DPF3: variants seen among roughly 807,000 people sequenced by gnomAD.
The protein encoded by DPF3 is zinc finger protein DPF3.
Under a neutral mutation model 56.8 loss-of-function variants are expected in DPF3, and 18 were observed. The ratio of observed to expected loss-of-function variants is 0.32; its 90% CI spans 0.22 to 0.47. The LOEUF is 0.47. DPF3 is among the 20% of genes least tolerant of loss of function. The pLI is 1.00. For missense variants in DPF3, 403 were observed against 488.8 expected (o/e 0.82, Z 1.65); for synonymous variants, 188 against 180.2 (o/e 1.04, Z -0.35).
At chr14:72,810,420 C>T (rs1882988617) in intron 1 of DPF3, among the ~76,000 whole-genome samples, 1 of 152,150 alleles carries the variant, frequency 6.6e-6, no homozygotes. Context: ...AGGGTGTGTT[C>T]TAATACGTCA....
At chr14:72,818,393 TG>T (rs1883381383) in intron 1 of DPF3, among the ~76,000 whole-genome samples, 1 of 152,180 alleles carries the variant, frequency 6.6e-6, no homozygotes, top group African/African-American at 2.4e-5. Context: ...CAAAAGACAT[TG>T]TTATGCTGGG....
chr14:72,674,399 A>AAT (rs1886822677), intron 7 of DPF3, 31 bp from the exon 8 acceptor site: 1 of 1,604,336 alleles, frequency 6.2e-7, no homozygotes, highest in Non-Finnish European at 8.5e-7. Flanking sequence ...TTCCAATTTC[A>AAT]GGCTTACATG....
intron 3 of DPF3, among the ~76,000 whole-genome samples, chr14:72,741,231 C>T (rs1220948856): frequency 6.6e-6 from 1 of 152,126 alleles, no homozygotes; most frequent in Non-Finnish European, 1.5e-5. Context: ...AATCACAGTG[C>T]CTCCTCACAC....
chr14:72,839,127 G>T (rs1255950222), intron 1 of DPF3, among the ~76,000 whole-genome samples: 2 of 151,348 alleles, frequency 1.3e-5, no homozygotes, highest in Non-Finnish European at 2.9e-5. Context: ...CGCCATGTTG[G>T]CCAGGCTGGT....
intron 7 of DPF3, among the ~76,000 whole-genome samples, chr14:72,677,591 C>A (rs1423148124): frequency 1.3e-5 from 2 of 150,372 alleles, no homozygotes; most frequent in Admixed American, 1.3e-4. Flanking sequence ...CAGGTCTAAC[C>A]CGTTGTTGGA....
chr14:72,711,879 G>A (rs1230897361), intron 6 of DPF3, among the ~76,000 whole-genome samples: 1 of 152,042 alleles, frequency 6.6e-6, no homozygotes, highest in African/African-American at 2.4e-5. Context: ...TCTCTACTTA[G>A]GATGCATTAG....
At position 72,793,761 on chromosome 14, in the gene DPF3, T is replaced by C. The variant is rs74468383; in HGVS notation, c.33-21868A>G. Among the ~76,000 whole-genome samples the C allele has an allele frequency of 4.4e-3, 668 of 152,304 alleles. 8 individuals carry two copies. Among genetic ancestry groups the C allele is most frequent in the African/African-American group, 0.016 (647 of 41,568 alleles). On this transcript the variant is annotated intron_variant, in intron 1 of 10. Transcript: ENST00000556509. ...CCCTTGCATAGATGATGCTGGCAAA[T>C]TCAACGTGATTTTCATTGGACCTGC... is the stretch of plus-strand genomic sequence containing the variant.
chr14:72,706,309 T>C (rs1888401249), intron 6 of DPF3, among the ~76,000 whole-genome samples: 1 of 152,206 alleles, frequency 6.6e-6, no homozygotes, highest in Non-Finnish European at 1.5e-5. Context: ...GCAGCCCCTC[T>C]TCGTGTGACC....
chr14:72,650,913 A>AACC (rs1365798972), intron 8 of DPF3, among the ~76,000 whole-genome samples: 3 of 152,118 alleles, frequency 2.0e-5, no homozygotes, highest in Admixed American at 6.5e-5. Flanking sequence ...GTGGCTTAAA[A>AACC]ACCACCCTTC....
intron 6 of DPF3, among the ~76,000 whole-genome samples, chr14:72,709,444 T>C (rs1274277958): frequency 6.6e-6 from 1 of 152,162 alleles, no homozygotes; most frequent in Non-Finnish European, 1.5e-5. Context: ...ATTCCTTCCA[T>C]CCTACTTCAA....
intron 1 of DPF3, among the ~76,000 whole-genome samples, chr14:72,875,064 A>G (rs1886060565): frequency 1.3e-5 from 2 of 152,142 alleles, no homozygotes; most frequent in South Asian, 4.1e-4. Context: ...AAAAGCTGAA[A>G]CCCCTGATAA....
At chr14:72,886,567 G>A (rs4899449) in intron 1 of DPF3, among the ~76,000 whole-genome samples, 143,637 of 152,182 alleles carry the variant, frequency 0.94, 67,900 homozygotes, top group East Asian at 1. Flanking sequence ...GGTACACTGT[G>A]TGTTATGTAT....
intron 2 of DPF3, among the ~76,000 whole-genome samples, chr14:72,770,619 G>T (rs1253825169): frequency 1.3e-5 from 2 of 152,214 alleles, no homozygotes; most frequent in African/African-American, 4.8e-5. Context: ...AGGTCAGGGA[G>T]AAAAGTAAGG....
At chr14:72,857,869 G>A (rs1372536321) in intron 1 of DPF3, among the ~76,000 whole-genome samples, 2 of 152,086 alleles carry the variant, frequency 1.3e-5, no homozygotes, top group South Asian at 2.1e-4. Context: ...TTACAGGCGT[G>A]AGCCACCACG....
At chr14:72,853,066 T>TGTGTGTGTGTGTGTGTGTGTGC (rs1338131454) in intron 1 of DPF3, among the ~76,000 whole-genome samples, 2 of 151,732 alleles carry the variant, frequency 1.3e-5, no homozygotes, top group East Asian at 3.9e-4. Context: ...TGTGTGTGTA[T>TGTGTGTGTGTGTGTGTGTGTGC]GCATGCTTGC....
intron 3 of DPF3, among the ~76,000 whole-genome samples, chr14:72,744,978 G>C (rs2139884458): frequency 6.6e-6 from 1 of 152,232 alleles, no homozygotes; most frequent in South Asian, 2.1e-4. Flanking sequence ...GCAGAACCCA[G>C]GTGGGCTTCA....
Position 72,838,905 on chromosome 14 carries a change from A to ATATATATATATATATATATTTTT in DPF3, c.32+55151_32+55152insAAAAATATATATATATATATATA. ...ATCTATCATATATATTATCATATAT[A>ATATATATATATATATATATTTTT]TTCTTTTTTTTTTTTTTTTTTTTTT... On this transcript the variant is annotated intron_variant, in intron 1 of 10. Coordinates refer to ENST00000556509, the MANE Select transcript of DPF3 (RefSeq NM_001280542.3). Among the ~76,000 whole-genome samples the ATATATATATATATATATATTTTT allele has an allele frequency of 2.2e-4, 14 of 64,496 alleles. 3 individuals carry two copies. The highest frequency in any genetic ancestry group is 5.1e-4 in the South Asian group (1 of 1,980). The allele number at this position is 64,496 out of a possible 152,430, so 42.3% of individuals were successfully genotyped here.
chr14:72,866,249 T>C (rs1342680079), intron 1 of DPF3, among the ~76,000 whole-genome samples: 1 of 137,734 alleles, frequency 7.3e-6, no homozygotes, highest in Non-Finnish European at 1.7e-5. Context: ...CCTCAGTCTG[T>C]TCCTGCCACA....
intron 6 of DPF3, among the ~76,000 whole-genome samples, chr14:72,698,876 G>A (rs998621031): frequency 0.066 from 13 of 196 alleles, no homozygotes; most frequent in African/African-American, 0.15. Flanking sequence ...CTGTGTATCC[G>A]CAGTGCTGTG....
Sources: allele counts gnomAD v4.1 joint callset (sites outside exome capture counted in the v4.1 genomes callset), GRCh38; gene constraint gnomAD v4.1.1; transcripts MANE v1.5; gene names NCBI Gene and HGNC (gene_info 2026-07-23, HGNC 2026-07-21).